KLC3: variants seen among roughly 807,000 people sequenced by gnomAD.
KLC3 encodes kinesin light chain 3.
In KLC3, 72 loss-of-function variants were observed where a neutral mutation model predicts 62.9. That is an observed-to-expected ratio of 1.15 (90% CI 0.95 to 1.39). The LOEUF (loss-of-function observed/expected upper bound fraction) is 1.39, where lower values mean the gene tolerates loss of function less well. Ranked by LOEUF, KLC3 falls within the 40% of genes most tolerant of loss-of-function variation. The pLI is 0.00. For missense variants in KLC3, 848 were observed against 691.6 expected, an observed-to-expected ratio of 1.23 and a Z score of -2.54; for synonymous variants, 377 against 300.5, an observed-to-expected ratio of 1.25 and a Z score of -2.63.
At chr19:45,348,507 C>T in intron 5 of KLC3, 139 bp from the exon 6 acceptor site, 1 of 790,386 alleles carries the variant, frequency 1.3e-6, no homozygotes, top group Non-Finnish European at 2.1e-6. Flanking sequence ...GAGGGGCCCA[C>T]AAAAGGCCCT....
chr19:45,349,973 G>C (rs776325242), intron 8 of KLC3: 2 of 415,358 alleles, frequency 4.8e-6, no homozygotes, highest in African/African-American at 2.0e-5. Flanking sequence ...CTGAGGCACC[G>C]AGGCCATGCC....
At chr19:45,345,352 T>A (rs12151022) in intron 1 of KLC3, 182 bp from the exon 2 acceptor site, 217,028 of 718,724 alleles carry the variant, frequency 0.3, 36,092 homozygotes, top group Middle Eastern at 0.37. Flanking sequence ...CTGGCTGGGA[T>A]GGGTGTGGAG....
intron 1 of KLC3, among the ~76,000 whole-genome samples, chr19:45,343,004 C>T (rs1316406780): frequency 1.3e-5 from 2 of 152,172 alleles, no homozygotes; most frequent in African/African-American, 4.8e-5. Flanking sequence ...CACGCGTATT[C>T]ACAGCTCTCT....
At chr19:45,349,999 A>G in intron 8 of KLC3, 1 of 441,628 alleles carries the variant, frequency 2.3e-6, no homozygotes, top group Non-Finnish European at 4.1e-6. Flanking sequence ...CCCAAAGTAC[A>G]GCAGACAGGC....
Position 45,348,636 on chromosome 19 carries a change from C to A in KLC3, c.780-10C>A, listed in dbSNP as rs761902194. On this transcript the variant is annotated splice_polypyrimidine_tract_variant and intron_variant, in intron 5 of 12. Coordinates refer to ENST00000391946, the MANE Select transcript of KLC3 (RefSeq NM_177417.3). ...GCTAACCCCCTCCATTCCTGGGGCG[C>A]CCCCCACAGGGACCAGAACAAGTAC... 10 of 1,565,124 alleles carry A rather than the reference C, an allele frequency of 6.4e-6. No individual in the cohort carries two copies. The highest frequency in any genetic ancestry group is 7.8e-6 in the Non-Finnish European group (9 of 1,155,030).
intron 3 of KLC3, 170 bp from the exon 4 acceptor site, chr19:45,347,277 G>A (rs1038712069): frequency 8.2e-5 from 47 of 572,240 alleles, no homozygotes; most frequent in Non-Finnish European, 1.4e-4. Context: ...AGGAGGTGGA[G>A]GTTGCTGTGA....
At position 45,346,667 on chromosome 19, in the gene KLC3, C is replaced by A; in HGVS notation, c.382C>A (p.Arg128=). Residue 128 remains arginine (R), a synonymous_variant, in exon 3 of 13, where the codon CGG becomes AGG. Coordinates refer to ENST00000391946, the MANE Select transcript of KLC3 (RefSeq NM_177417.3). The part of the protein sequence containing the change: ...WLREELEETQ[R]RLRASEESVA... ...GCGGGAGGAACTGGAGGAGACGCAGCGGCGGCTTCGGGCCAGCGAGGAGTC... is the reference window on the plus strand; with the variant it reads ...GCGGGAGGAACTGGAGGAGACGCAGAGGCGGCTTCGGGCCAGCGAGGAGTC... 3 of 1,558,348 alleles carry A rather than the reference C, an allele frequency of 1.9e-6. No individual in the cohort carries two copies. The highest frequency in any genetic ancestry group is 1.2e-5 in the South Asian group (1 of 84,468).
chr19:45,343,011 C>T (rs1483211077), intron 1 of KLC3, among the ~76,000 whole-genome samples: 1 of 152,052 alleles, frequency 6.6e-6, no homozygotes, highest in Non-Finnish European at 1.5e-5. Context: ...ATTCACAGCT[C>T]TCTGTTCCGA....
intron 3 of KLC3, chr19:45,347,116 G>T: frequency 2.4e-6 from 1 of 413,796 alleles, no homozygotes; most frequent in East Asian, 4.6e-5. Context: ...GCCGAGGCGA[G>T]CAGATCACCT....
intron 11 of KLC3, 27 bp from the exon 12 acceptor site, chr19:45,350,927 A>G (rs767284872): frequency 7.4e-5 from 120 of 1,611,550 alleles, no homozygotes; most frequent in Non-Finnish European, 9.8e-5. Context: ...GGATTCACTC[A>G]TTTCCTCCCT....
At chr19:45,351,168 C>T (rs1294212041) in intron 12 of KLC3, 118 bp from the exon 13 acceptor site, 12 of 1,587,938 alleles carry the variant, frequency 7.6e-6, no homozygotes, top group African/African-American at 2.7e-5. Context: ...ATGGGTTTTA[C>T]TTGGGGTAGA....
chr19:45,350,440 C>A lies in KLC3; in HGVS notation c.1234+9C>A. 6.2e-7 allele frequency: 1 copy of A among 1,613,810 alleles called. No homozygotes were observed. Among genetic ancestry groups the A allele is most frequent in the Non-Finnish European group, 8.5e-7 (1 of 1,179,796 alleles). On this transcript the variant is annotated intron_variant, in intron 9 of 12. Coordinates refer to ENST00000391946, the MANE Select transcript of KLC3 (RefSeq NM_177417.3). ...CCTACCCGCCCCTCTCGGTGAGCCC[C>A]TAGCCCCTGTCTGTCTTCCCTCCTG...
chr19:45,341,596 G>A (rs2123171785), intron 1 of KLC3, among the ~76,000 whole-genome samples: 1 of 116,728 alleles, frequency 8.6e-6, no homozygotes, highest in South Asian at 2.9e-4. Context: ...CGCGTGTGGT[G>A]GACAGTGTGG....
At chr19:45,349,354 C>A in intron 7 of KLC3, 75 bp from the exon 8 acceptor site, 2 of 1,448,276 alleles carry the variant, frequency 1.4e-6, no homozygotes, top group Non-Finnish European at 1.9e-6. Flanking sequence ...CAACTCATGA[C>A]CACCATACAG....
intron 12 of KLC3, 130 bp from the exon 13 acceptor site, chr19:45,351,156 A>T: frequency 1.9e-6 from 3 of 1,592,528 alleles, no homozygotes; most frequent in Non-Finnish European, 2.6e-6. Context: ...ACAGGAGCAA[A>T]GATGGGTTTT....
chr19:45,346,119 G>A (rs906359002), intron 2 of KLC3, among the ~76,000 whole-genome samples: 6 of 152,078 alleles, frequency 3.9e-5, no homozygotes, highest in Non-Finnish European at 4.4e-5. Context: ...TGGAGATCGT[G>A]CCATTCCACT....
chr19:45,350,999 A>G lies in KLC3; in HGVS notation c.1425A>G (p.Pro475=). ...TCAACACACTGAACGTGGATGCTCC[A>G]AGGGCTCCTGGGACTCAGGTGAGGG... ...MSLNTLNVDA[P]RAPGTQFPSW... Residue 475 remains proline, a synonymous_variant, in exon 12 of 13, where the codon CCA becomes CCG. Coordinates refer to ENST00000391946, the MANE Select transcript of KLC3 (RefSeq NM_177417.3). 6.2e-7 allele frequency: 1 copy of G among 1,614,120 alleles called. No homozygotes were observed. Among genetic ancestry groups the G allele is most frequent in the East Asian group, 2.2e-5 (1 of 44,872 alleles).
rs189536228 is a variant in KLC3, at chr19:45,347,384, C to T, written c.490-63C>T. 8 of 1,255,372 alleles carry T rather than the reference C, an allele frequency of 6.4e-6. No individual in the cohort carries two copies. In the East Asian group the frequency reaches 1.9e-4, roughly 29 times the overall value. The allele number at this position is 1,255,372 out of a possible 1,614,324, so 77.8% of individuals were successfully genotyped here. On this transcript the variant is annotated intron_variant, in intron 3 of 12. Transcript: ENST00000391946. ...AAAAAACAAAAACCTGAGATAGAGCCAGGGCCCCGGTCTCTGAAACAAGCC... is the reference window on the plus strand; with the variant it reads ...AAAAAACAAAAACCTGAGATAGAGCTAGGGCCCCGGTCTCTGAAACAAGCC...
intron 1 of KLC3, among the ~76,000 whole-genome samples, chr19:45,341,578 T>TGTGTGTGTGTGTGTGTGTGTGC: frequency 2.1e-5 from 3 of 139,900 alleles, no homozygotes; most frequent in African/African-American, 8.0e-5. Context: ...TGTGTGTGTG[T>TGTGTGTGTGTGTGTGTGTGTGC]GCGCGCGCGC....
Sources: allele counts gnomAD v4.1 joint callset (sites outside exome capture counted in the v4.1 genomes callset), GRCh38; gene constraint gnomAD v4.1.1; transcripts MANE v1.5; gene names NCBI Gene and HGNC (gene_info 2026-07-23, HGNC 2026-07-21).